Variants in SRGAP3 observed in about 807,000 individuals in gnomAD.
SRGAP3 encodes the protein SLIT-ROBO Rho GTPase activating protein 3, also known as SLIT-ROBO Rho GTPase-activating protein 3.
SRGAP3 carries 39 observed loss-of-function variants against 121.1 expected under a neutral mutation model. The ratio of observed to expected loss-of-function variants is 0.32; its 90% CI spans 0.25 to 0.42. SRGAP3 has a LOEUF of 0.42. Ranked by LOEUF, SRGAP3 falls within the 10% of genes least tolerant of loss-of-function variation. The pLI, the probability that SRGAP3 is intolerant of heterozygous loss-of-function variation, is 1.00. For missense variants in SRGAP3, 1,213 were observed against 1,470.6 expected, an observed-to-expected ratio of 0.82 and a Z score of 2.86; for synonymous variants, 601 against 570.0, an observed-to-expected ratio of 1.05 and a Z score of -0.77.
intron 18 of SRGAP3, 33 bp downstream of exon 18, chr3:9,010,275 G>T (rs781755402): frequency 6.2e-7 from 1 of 1,613,238 alleles, no homozygotes; most frequent in African/African-American, 1.3e-5. Flanking sequence ...GCCCCAGGAA[G>T]AATCCCTTGT....
intron 14 of SRGAP3, among the ~76,000 whole-genome samples, chr3:9,024,598 A>G (rs1416656442): frequency 6.6e-6 from 1 of 152,180 alleles, no homozygotes; most frequent in Non-Finnish European, 1.5e-5. Context: ...CAAATGTATC[A>G]TATGTGTCCT....
At chr3:9,119,093 T>C (rs1445427925) in intron 2 of SRGAP3, among the ~76,000 whole-genome samples, 1 of 152,214 alleles carries the variant, frequency 6.6e-6, no homozygotes. Flanking sequence ...TGCAGCCCAG[T>C]GGTTGTCCAA....
At chr3:9,330,306 A>G (rs1955585019) in intron 2 of SRGAP3, among the ~76,000 whole-genome samples, 2 of 152,226 alleles carry the variant, frequency 1.3e-5, no homozygotes, top group African/African-American at 4.8e-5. Flanking sequence ...AGAGTCCTCT[A>G]ACTGGATCCA....
intron 1 of SRGAP3, among the ~76,000 whole-genome samples, chr3:9,343,941 C>A (rs1182971806): frequency 2.0e-5 from 3 of 152,224 alleles, no homozygotes; most frequent in African/African-American, 7.2e-5. Context: ...CCACCACACA[C>A]AGCCTGCCCT....
chr3:9,147,331 C>A (rs562414457), intron 1 of SRGAP3, among the ~76,000 whole-genome samples: 1 of 152,258 alleles, frequency 6.6e-6, no homozygotes, highest in South Asian at 2.1e-4. Flanking sequence ...TCAGTAGGCT[C>A]AAGGGTTGAT....
rs1228991664 is a variant in SRGAP3 at position 9,218,924 on chromosome 3, C to T, written c.67+29961G>A. 5.3e-5 allele frequency among the ~76,000 whole-genome samples: 8 copies of T among 152,192 alleles called. No individual in the cohort carries two copies. The highest frequency in any genetic ancestry group is 1.4e-4 in the African/African-American group (6 of 41,450). On this transcript the variant is annotated intron_variant, in intron 1 of 21. Coordinates refer to ENST00000383836, the MANE Select transcript of SRGAP3 (RefSeq NM_014850.4). This position sits in a 1 kb window ranked among gnomAD's most constrained non-coding sequence, Gnocchi z 5.3. ...CTGACCTCAGGTGATCCACCCACCT[C>T]GGCCTCCCAAAGTGTTGGGATTACA...
At chr3:9,063,050 T>C (rs1451719396) in intron 5 of SRGAP3, among the ~76,000 whole-genome samples, 1 of 152,036 alleles carries the variant, frequency 6.6e-6, no homozygotes, top group Non-Finnish European at 1.5e-5. Context: ...TAATTCTAGC[T>C]ATCCCTGTGG....
chr3:9,179,637 C>T lies in SRGAP3; in HGVS notation c.68-54720G>A, dbSNP rs540628523. Among the ~76,000 whole-genome samples the T allele has an allele frequency of 7.2e-5, 11 of 152,344 alleles. No individual in the cohort carries two copies. In the East Asian group the frequency reaches 1.9e-3, roughly 27 times the overall value. On this transcript the variant is annotated intron_variant, in intron 1 of 21. Transcript: ENST00000383836. The stretch of plus-strand genomic sequence containing the variant: ...CTCCTGCTCTTCACTCTCCTGAAGG[C>T]TTTGCTTTCTCATCTGTACAATGGG...
At chr3:9,248,850 G>A (rs779857489) in intron 1 of SRGAP3, 35 bp downstream of exon 1, 33 of 1,606,296 alleles carry the variant, frequency 2.1e-5, no homozygotes, top group Non-Finnish European at 2.8e-5. Flanking sequence ...AACGAAAGGG[G>A]AGGAGAAGGA....
chr3:9,264,985 T>C (rs936731628), intron 3 of SRGAP3, among the ~76,000 whole-genome samples: 9 of 152,204 alleles, frequency 5.9e-5, no homozygotes, highest in Non-Finnish European at 1.2e-4. Context: ...ACTACAAGGC[T>C]ACAGTAACCA....
At chr3:9,031,762 G>GT (rs377265139) in intron 12 of SRGAP3, among the ~76,000 whole-genome samples, 3 of 152,322 alleles carry the variant, frequency 2.0e-5, no homozygotes, top group East Asian at 1.9e-4. Flanking sequence ...AGGAGCCTTT[G>GT]TTTTTTCTCC....
intron 1 of SRGAP3, among the ~76,000 whole-genome samples, chr3:9,184,656 G>C (rs944080580): frequency 6.6e-6 from 1 of 152,194 alleles, no homozygotes; most frequent in African/African-American, 2.4e-5. Flanking sequence ...CCACTCGGAA[G>C]TTCCATGAGG....
intron 1 of SRGAP3, among the ~76,000 whole-genome samples, chr3:9,136,574 G>T (rs1017953856): frequency 1.3e-5 from 2 of 152,230 alleles, no homozygotes; most frequent in Admixed American, 1.3e-4. Flanking sequence ...CCGACATCAG[G>T]CCATTCTTTA....
Position 9,328,230 on chromosome 3 carries a change from C to T in SRGAP3, n.284-2062G>A, listed in dbSNP as rs116104254. Among the ~76,000 whole-genome samples the T allele has an allele frequency of 3.3e-3, 509 of 152,212 alleles. 3 individuals carry two copies. Among genetic ancestry groups the T allele is most frequent in the South Asian group, 6.0e-3 (29 of 4,814 alleles). On this transcript the variant is annotated intron_variant and non_coding_transcript_variant, in intron 2 of 3. Transcript: ENST00000490889. ...CTTGATTTAAGCACTTACTTTTAAG[C>T]CAATTAATTAGAGCTCTTTTATATA... is the stretch of plus-strand genomic sequence containing the variant.
chr3:9,205,829 C>G (rs575475987), intron 1 of SRGAP3, among the ~76,000 whole-genome samples: 1 of 152,178 alleles, frequency 6.6e-6, no homozygotes, highest in Non-Finnish European at 1.5e-5. Context: ...CATTCTATAA[C>G]GTGGATGAAC....
intron 1 of SRGAP3, chr3:9,192,978 A>G: frequency 6.5e-6 from 1 of 153,878 alleles, no homozygotes; most frequent in Non-Finnish European, 1.4e-5. Flanking sequence ...CTGGAAAGAG[A>G]TGGCTGAACC....
intron 3 of SRGAP3, among the ~76,000 whole-genome samples, chr3:9,325,837 C>T (rs1955508560): frequency 6.6e-6 from 1 of 151,930 alleles, no homozygotes; most frequent in African/African-American, 2.4e-5. Context: ...TATAAGTGTA[C>T]ATAATAGACC....
chr3:9,303,095 ATTTG>A (rs35901747), intron 3 of SRGAP3, among the ~76,000 whole-genome samples: 41,200 of 151,246 alleles, frequency 0.27, 8,260 homozygotes, highest in African/African-American at 0.58. Context: ...TTTCCTTTAC[ATTTG>A]TTTGTTTGTT....
At chr3:9,272,707 T>C (rs1239643216) in intron 3 of SRGAP3, among the ~76,000 whole-genome samples, 3 of 152,248 alleles carry the variant, frequency 2.0e-5, no homozygotes, top group Non-Finnish European at 4.4e-5. Flanking sequence ...GTAATACTGC[T>C]ATGAATATTG....
Sources: allele counts gnomAD v4.1 joint callset (sites outside exome capture counted in the v4.1 genomes callset), GRCh38; gene constraint gnomAD v4.1.1; non-coding constraint Gnocchi (gnomAD v3.1); transcripts MANE v1.5; gene names NCBI Gene and HGNC (gene_info 2026-07-23, HGNC 2026-07-21).